The following RTN4RL1 variants were observed in gnomAD, a reference collection of about 807,000 sequenced individuals.
RTN4RL1 encodes the protein reticulon-4 receptor-like 1.
Under a neutral mutation model 25.6 loss-of-function variants are expected in RTN4RL1, and 7 were observed. That is an observed-to-expected ratio of 0.27 (90% CI 0.16 to 0.51). The LOEUF (loss-of-function observed/expected upper bound fraction) is 0.51. Among genes scored for constraint, RTN4RL1 ranks in the 20% least tolerant of loss-of-function variants. The probability of loss-of-function intolerance (pLI) is 0.97; values close to 1 mark genes in which losing one functional copy is unlikely to be tolerated. For synonymous variants in RTN4RL1, 297 were observed against 288.2 expected (o/e 1.03, Z -0.31); for missense variants, 500 against 615.6 (o/e 0.81, Z 1.99).
chr17:2,003,586 G>A (rs2066973192), intron 1 of RTN4RL1: 1 of 152,316 alleles, frequency 6.6e-6, no homozygotes, highest in Non-Finnish European at 1.5e-5. Flanking sequence ...CCACTTTTCA[G>A]ATGACAAAAC....
intron 1 of RTN4RL1, among the ~76,000 whole-genome samples, chr17:2,023,077 A>G (rs1251119796): frequency 2.0e-5 from 3 of 152,138 alleles, no homozygotes; most frequent in African/African-American, 7.2e-5. Flanking sequence ...TTAACTATAA[A>G]CTGCCAAAAG....
intron 1 of RTN4RL1, among the ~76,000 whole-genome samples, chr17:1,968,855 G>T (rs966493533): frequency 6.6e-6 from 1 of 152,182 alleles, no homozygotes; most frequent in Non-Finnish European, 1.5e-5. Context: ...CCTCATAATT[G>T]TCAGTTTACA....
At position 1,998,937 on chromosome 17, in the gene RTN4RL1, T is replaced by A. The variant is rs1270222691; in HGVS notation, c.13+25916A>T. Among the ~76,000 whole-genome samples the A allele has an allele frequency of 6.6e-6, 1 of 151,986 alleles. No homozygotes were observed. The highest frequency in any genetic ancestry group is 1.9e-4 in the East Asian group (1 of 5,176). On this transcript the variant is annotated intron_variant, in intron 1 of 1. Coordinates refer to ENST00000331238, the MANE Select transcript of RTN4RL1 (RefSeq NM_178568.4). This position sits in a 1 kb window ranked among gnomAD's most constrained non-coding sequence, Gnocchi z 4.9. ...ACACAGGCCCTGCCCTCACCGAGGG[T>A]TCCAGTCGGCTGTGCACAACTGAAG... is the stretch of plus-strand genomic sequence containing the variant.
intron 1 of RTN4RL1, among the ~76,000 whole-genome samples, chr17:1,945,519 C>A (rs56239739): frequency 1.6e-3 from 236 of 152,210 alleles, no homozygotes; most frequent in African/African-American, 5.5e-3. Context: ...TGCGCCCAGT[C>A]TTTTTTTAAA....
At chr17:1,967,486 T>A (rs1335652580) in intron 1 of RTN4RL1, among the ~76,000 whole-genome samples, 1 of 152,102 alleles carries the variant, frequency 6.6e-6, no homozygotes, top group Middle Eastern at 3.4e-3. Flanking sequence ...CTGCAGCCAC[T>A]GCCTCACTCT....
chr17:1,986,634 C>T (rs887341969), intron 1 of RTN4RL1, among the ~76,000 whole-genome samples: 1 of 151,968 alleles, frequency 6.6e-6, no homozygotes, highest in African/African-American at 2.4e-5. Flanking sequence ...GCTGGAAGAG[C>T]CTTCGTGGGG....
chr17:2,025,132 C>T lies in RTN4RL1; in HGVS notation c.-267G>A. 3.1e-6 allele frequency: 1 copy of T among 324,544 alleles called. No individual in the cohort carries two copies. Among genetic ancestry groups the T allele is most frequent in the Middle Eastern group, 8.3e-4 (1 of 1,206 alleles). 20.1% of individuals were successfully genotyped at this position (324,544 alleles called of 1,614,324 possible). A position where few individuals can be genotyped will look rare whatever the true frequency, so the allele number is the denominator to read the frequency against. On this transcript the variant is annotated 5_prime_UTR_variant, in exon 1 of 2. Coordinates refer to ENST00000331238, the MANE Select transcript of RTN4RL1 (RefSeq NM_178568.4). This position sits in a 1 kb window ranked among gnomAD's most constrained non-coding sequence, Gnocchi z 4.8. The stretch of plus-strand genomic sequence containing the variant: ...GCCCCGGGGCGAGCGGCTTGCTCCG[C>T]GGAGCCGGCGGCCTGCTTCTGCCAC...
At chr17:1,996,792 C>T (rs1165390449) in intron 1 of RTN4RL1, among the ~76,000 whole-genome samples, 7 of 152,130 alleles carry the variant, frequency 4.6e-5, no homozygotes, top group Admixed American at 3.3e-4. Context: ...CTAAAAAAAA[C>T]CTTCCTGGGC....
chr17:1,942,668 C>T (rs116464675), intron 1 of RTN4RL1, among the ~76,000 whole-genome samples: 4 of 152,116 alleles, frequency 2.6e-5, no homozygotes, highest in Non-Finnish European at 5.9e-5. Flanking sequence ...GTGTTCAGGT[C>T]CTCCTTTCTG....
intron 1 of RTN4RL1, among the ~76,000 whole-genome samples, chr17:1,968,221 G>T (rs903421069): frequency 6.6e-6 from 1 of 152,090 alleles, no homozygotes; most frequent in Non-Finnish European, 1.5e-5. Context: ...TCTCCTGGAG[G>T]CTGCCCCCTC....
chr17:1,970,279 C>T (rs2066812787), intron 1 of RTN4RL1, among the ~76,000 whole-genome samples: 1 of 152,128 alleles, frequency 6.6e-6, no homozygotes, highest in African/African-American at 2.4e-5. Flanking sequence ...CGTCAGCCTC[C>T]CAAAGTGCTG....
intron 1 of RTN4RL1, chr17:1,995,731 T>C (rs556794505): frequency 6.6e-6 from 1 of 152,394 alleles, no homozygotes; most frequent in East Asian, 1.9e-4. Flanking sequence ...TTCTTGCTAA[T>C]TGGTTCGAAT....
chr17:1,937,907 T>G, intron 1 of RTN4RL1, 99 bp from the exon 2 acceptor site: 1 of 947,264 alleles, frequency 1.1e-6, no homozygotes, highest in Non-Finnish European at 1.5e-6. Flanking sequence ...TCGTCTTGGC[T>G]GAGCTCCGTG....
intron 1 of RTN4RL1, among the ~76,000 whole-genome samples, chr17:2,012,595 T>C (rs1239285755): frequency 3.3e-5 from 5 of 151,912 alleles, no homozygotes; most frequent in African/African-American, 9.7e-5. Context: ...CTTCTCTCTC[T>C]GTTTTTTTTT....
chr17:2,017,751 G>C (rs1416319256), intron 1 of RTN4RL1: 1 of 152,336 alleles, frequency 6.6e-6, no homozygotes, highest in Non-Finnish European at 1.5e-5. Flanking sequence ...CCAGCACAGA[G>C]GTCTCCAGAG....
chr17:2,009,541 G>A lies in RTN4RL1; in HGVS notation c.13+15312C>T, dbSNP rs1013025454. 3.4e-5 allele frequency among the ~76,000 whole-genome samples: 4 copies of A among 117,680 alleles called. 1 individual carries two copies. Among genetic ancestry groups the A allele is most frequent in the Non-Finnish European group, 6.9e-5 (4 of 57,758 alleles). The allele number at this position is 117,680 out of a possible 152,430, so 77.2% of individuals were successfully genotyped here. A position where few individuals can be genotyped will look rare whatever the true frequency, so the allele number is the denominator to read the frequency against. ...CAGGAGGTGGAGGTTGCAATGAGCC[G>A]AGATCACGCCACTGCACTCCAGCCT... On this transcript the variant is annotated intron_variant, in intron 1 of 1. Transcript: ENST00000331238.
intron 1 of RTN4RL1, among the ~76,000 whole-genome samples, chr17:1,940,433 C>T (rs1020503007): frequency 6.6e-6 from 1 of 152,154 alleles, no homozygotes; most frequent in African/African-American, 2.4e-5. Flanking sequence ...CCCCTCCTAC[C>T]TCAGTTTCCC....
intron 1 of RTN4RL1, among the ~76,000 whole-genome samples, chr17:1,987,718 GACACACACACACACAC>G (rs59658751): frequency 0.03 from 4,342 of 145,164 alleles, 76 homozygotes; most frequent in African/African-American, 0.042. Flanking sequence ...TGAGTTCAGG[GACACACACACACACAC>G]ACACACACAC....
intron 1 of RTN4RL1, among the ~76,000 whole-genome samples, chr17:1,989,038 G>T (rs552581198): frequency 2.6e-5 from 4 of 152,152 alleles, no homozygotes; most frequent in Non-Finnish European, 4.4e-5. Flanking sequence ...TGATCACATC[G>T]TGTTCCCTAA....
Sources: gnomAD v4.1 joint callset for allele counts (sites outside exome capture counted in the v4.1 genomes callset) on GRCh38, gnomAD v4.1.1 for gene constraint, Gnocchi (gnomAD v3.1) non-coding constraint, MANE v1.5 for transcripts, NCBI Gene and HGNC (gene_info 2026-07-23, HGNC 2026-07-21) for gene names.